ABTB3: variants seen among roughly 807,000 people sequenced by gnomAD.
ABTB3 encodes ankyrin repeat- and BTB/POZ domain-containing protein 3.
chr12:107,484,328 A>T, the ABTB3 span, among the ~76,000 whole-genome samples: 1 of 152,220 alleles, frequency 6.6e-6, no homozygotes, highest in South Asian at 2.1e-4. Flanking sequence ...GAGGTGAGTG[A>T]GTGAGCCTGT....
At chr12:107,618,563 G>A in the ABTB3 span, among the ~76,000 whole-genome samples, 1 of 152,150 alleles carries the variant, frequency 6.6e-6, no homozygotes, top group Non-Finnish European at 1.5e-5. Flanking sequence ...TCCAGGCCAA[G>A]ATGCCCACTC....
chr12:107,360,018 C>G, the ABTB3 span, among the ~76,000 whole-genome samples: 1 of 152,176 alleles, frequency 6.6e-6, no homozygotes, highest in African/African-American at 2.4e-5. Flanking sequence ...AGAACTTTAT[C>G]AGGTGCCCAC....
At chr12:107,339,168 C>T in the ABTB3 span, among the ~76,000 whole-genome samples, 6 of 152,198 alleles carry the variant, frequency 3.9e-5, no homozygotes, top group South Asian at 2.1e-4. Flanking sequence ...AATGGGCCAC[C>T]GTCCTGGGCT....
the ABTB3 span, among the ~76,000 whole-genome samples, chr12:107,538,151 G>T: frequency 1.3e-5 from 2 of 152,158 alleles, no homozygotes; most frequent in African/African-American, 4.8e-5. Context: ...GGATGCAGAA[G>T]CAGCTTGGGA....
At chr12:107,359,190 G>A in the ABTB3 span, among the ~76,000 whole-genome samples, 84 of 152,322 alleles carry the variant, frequency 5.5e-4, no homozygotes, top group Middle Eastern at 3.4e-3. Context: ...GCAACTGTGA[G>A]GACAAAAGGT....
At chr12:107,368,052 T>G in the ABTB3 span, among the ~76,000 whole-genome samples, 2 of 152,238 alleles carry the variant, frequency 1.3e-5, no homozygotes, top group Non-Finnish European at 2.9e-5. Context: ...AGCTTATTAT[T>G]TCTAACAGCT....
chr12:107,534,646 G>A, the ABTB3 span, among the ~76,000 whole-genome samples: 1 of 152,154 alleles, frequency 6.6e-6, no homozygotes, highest in Non-Finnish European at 1.5e-5. Context: ...AGGATCATTA[G>A]AGACTATTAT....
At chr12:107,637,734 C>T in the ABTB3 span, among the ~76,000 whole-genome samples, 11 of 151,168 alleles carry the variant, frequency 7.3e-5, no homozygotes, top group Admixed American at 2.6e-4. Context: ...ATGAATTCAG[C>T]GCTAGACAAT....
At chr12:107,594,781 G>A in the ABTB3 span, among the ~76,000 whole-genome samples, 1 of 152,022 alleles carries the variant, frequency 6.6e-6, no homozygotes, top group Non-Finnish European at 1.5e-5. Flanking sequence ...ATTTCTGAAG[G>A]CGCCATTTTA....
the ABTB3 span, among the ~76,000 whole-genome samples, chr12:107,426,403 T>TA: frequency 6.6e-6 from 1 of 152,158 alleles, no homozygotes; most frequent in East Asian, 1.9e-4. Context: ...CCCAGGAATC[T>TA]GTGCATGGAT....
the ABTB3 span, among the ~76,000 whole-genome samples, chr12:107,449,650 G>C: frequency 6.6e-6 from 1 of 152,086 alleles, no homozygotes; most frequent in African/African-American, 2.4e-5. Context: ...GGGTAATGAA[G>C]TACCCACTTT....
At chr12:107,519,015 C>T in the ABTB3 span, among the ~76,000 whole-genome samples, 1 of 152,234 alleles carries the variant, frequency 6.6e-6, no homozygotes, top group South Asian at 2.1e-4. Flanking sequence ...ATATCCTCAA[C>T]CCCAAACGCA....
chr12:107,517,085 T>C, the ABTB3 span, among the ~76,000 whole-genome samples: 156 of 152,352 alleles, frequency 1.0e-3, no homozygotes, highest in African/African-American at 3.6e-3. Flanking sequence ...TTTCTACATA[T>C]AGCTAGCCAG....
chr12:107,447,998 G>A, the ABTB3 span, among the ~76,000 whole-genome samples: 1 of 152,206 alleles, frequency 6.6e-6, no homozygotes, highest in Non-Finnish European at 1.5e-5. Context: ...GAGATGCTAA[G>A]CTGGGCCAAG....
chr12:107,656,073 A>G, the ABTB3 span, among the ~76,000 whole-genome samples: 1 of 151,830 alleles, frequency 6.6e-6, no homozygotes, highest in Non-Finnish European at 1.5e-5. Context: ...GGATCACTTG[A>G]AGCCAGGGGT....
At chr12:107,425,738 T>A in the ABTB3 span, among the ~76,000 whole-genome samples, 1 of 152,236 alleles carries the variant, frequency 6.6e-6, no homozygotes, top group East Asian at 1.9e-4. Flanking sequence ...TTTATTTCCA[T>A]GCCTGTGAAC....
the ABTB3 span, among the ~76,000 whole-genome samples, chr12:107,403,149 C>T: frequency 1.3e-5 from 2 of 152,146 alleles, no homozygotes; most frequent in Non-Finnish European, 2.9e-5. Flanking sequence ...CTAGAGATCA[C>T]GTATATCAGT....
the ABTB3 span, among the ~76,000 whole-genome samples, chr12:107,455,544 G>T: frequency 6.6e-6 from 1 of 152,036 alleles, no homozygotes; most frequent in African/African-American, 2.4e-5. Flanking sequence ...GTTCTCAGTA[G>T]AGAGTAGGTC....
the ABTB3 span, among the ~76,000 whole-genome samples, chr12:107,350,207 T>C: frequency 4.6e-5 from 7 of 152,168 alleles, no homozygotes; most frequent in South Asian, 1.4e-3. Flanking sequence ...GGAAAAATCA[T>C]ATTGTTCCCT....
Sources: gnomAD v4.1 joint callset for allele counts (sites outside exome capture counted in the v4.1 genomes callset) on GRCh38, gnomAD v4.1.1 for gene constraint, MANE v1.5 for transcripts, NCBI Gene and HGNC (gene_info 2026-07-23, HGNC 2026-07-21) for gene names.